PAQR7: variants seen among roughly 807,000 people sequenced by gnomAD.
The protein encoded by PAQR7 is progestin and adipoQ receptor family member 7.
Under a neutral mutation model 24.6 loss-of-function variants are expected in PAQR7, and 14 were observed. The ratio of observed to expected loss-of-function variants is 0.57; its 90% confidence interval spans 0.38 to 0.89. The LOEUF (loss-of-function observed/expected upper bound fraction) is 0.89, where lower values mean the gene tolerates loss of function less well. Among genes scored for constraint, PAQR7 ranks in the 40% least tolerant of loss-of-function variants. The pLI is 0.00. For synonymous variants in PAQR7, 189 were observed against 198.8 expected, an observed-to-expected ratio of 0.95 and a Z score of 0.42; for missense variants, 351 against 444.0, an observed-to-expected ratio of 0.79 and a Z score of 1.88.
rs1378769738 is a variant in PAQR7 at position 25,863,535 on chromosome 1, G to A, written c.305C>T (p.Pro102Leu). The A allele has an allele frequency of 8.1e-6, 13 of 1,614,086 alleles. No homozygotes were observed. The highest frequency in any genetic ancestry group is 2.2e-5 in the South Asian group (2 of 91,090). Residue 102 changes from proline (P) to leucine (L), a missense_variant, in exon 3 of 3, where the codon CCA becomes CTA. Transcript: ENST00000675840. This position sits in a 1 kb window ranked among gnomAD's most constrained non-coding sequence, Gnocchi z 6.1. ...AATGATGAAGAGGGGCAGGGCGTGT[G>A]GGTCTCCCCAGAAGTCCACGGTCTC... ...FVETVDFWGD[P>L]HALPLFIIVL...
chr1:25,875,665 C>G lies in PAQR7; in HGVS notation c.-286G>C, dbSNP rs2048646896. On this transcript the variant is annotated 5_prime_UTR_variant, in exon 1 of 3. Coordinates refer to ENST00000675840, the MANE Select transcript of PAQR7 (RefSeq NM_178422.6). The surrounding 1 kb of genome is among the most constrained non-coding windows in gnomAD (Gnocchi z 5.4). ...GCCGAGCGCCCCGCACCCCGCCCGCCGCGCACAAGCAGCTCTGCCCCGCCA... is the reference window on the plus strand; with the variant it reads ...GCCGAGCGCCCCGCACCCCGCCCGCGGCGCACAAGCAGCTCTGCCCCGCCA... Among the ~76,000 whole-genome samples, 1 of 151,788 alleles carries G rather than the reference C, an allele frequency of 6.6e-6. No homozygotes were observed. The highest frequency in any genetic ancestry group is 2.1e-4 in the South Asian group (1 of 4,826).
Position 25,862,722 on chromosome 1 carries a change from C to G in PAQR7, c.*77G>C. Reference sequence around the variant, plus strand: ...GCCAGACACAAACAACTTTACCAGGCCTTGTTCCCACCTGGAGCCAAACCC... The same window carrying G: ...GCCAGACACAAACAACTTTACCAGGGCTTGTTCCCACCTGGAGCCAAACCC... On this transcript the variant is annotated 3_prime_UTR_variant, in exon 3 of 3. Coordinates refer to ENST00000675840, the MANE Select transcript of PAQR7 (RefSeq NM_178422.6). 7.0e-7 allele frequency: 1 copy of G among 1,437,546 alleles called. No individual in the cohort carries two copies. Among genetic ancestry groups the G allele is most frequent in the South Asian group, 1.3e-5 (1 of 77,060 alleles). The allele number at this position is 1,437,546 out of a possible 1,614,324, so 89.0% of individuals were successfully genotyped here.
At chr1:25,872,643 G>A (rs1279309679) in intron 1 of PAQR7, among the ~76,000 whole-genome samples, 1 of 151,344 alleles carries the variant, frequency 6.6e-6, no homozygotes, top group Non-Finnish European at 1.5e-5. Flanking sequence ...CTCTTGAGTA[G>A]TTGGGAATCA....
At chr1:25,864,844 C>T (rs779437413) in intron 2 of PAQR7, among the ~76,000 whole-genome samples, 4 of 151,832 alleles carry the variant, frequency 2.6e-5, no homozygotes, top group Non-Finnish European at 5.9e-5. Flanking sequence ...TGATCTCAAG[C>T]GAGATCCTGT....
intron 2 of PAQR7, among the ~76,000 whole-genome samples, chr1:25,864,887 T>A (rs912753230): frequency 6.6e-6 from 1 of 151,834 alleles, no homozygotes; most frequent in African/African-American, 2.4e-5. Context: ...CCAGGTGCGG[T>A]GGCTCACATC....
chr1:25,864,315 G>A (rs1401471609), intron 2 of PAQR7, among the ~76,000 whole-genome samples: 2 of 152,096 alleles, frequency 1.3e-5, no homozygotes, highest in African/African-American at 4.8e-5. Flanking sequence ...TAGACCCACT[G>A]CCTCTACCTA....
At chr1:25,868,955 C>T (rs546523173) in intron 2 of PAQR7, among the ~76,000 whole-genome samples, 2 of 151,460 alleles carry the variant, frequency 1.3e-5, no homozygotes, top group Non-Finnish European at 2.9e-5. Context: ...GGTGAAACCC[C>T]GTCTCTACTA....
chr1:25,875,174 G>A lies in PAQR7; in HGVS notation c.-109+314C>T, dbSNP rs2048639749. 6.6e-6 allele frequency among the ~76,000 whole-genome samples: 1 copy of A among 151,932 alleles called. No homozygotes were observed. Among genetic ancestry groups the A allele is most frequent in the African/African-American group, 2.4e-5 (1 of 41,322 alleles). On this transcript the variant is annotated intron_variant, in intron 1 of 2. Transcript: ENST00000675840. This position sits in a 1 kb window ranked among gnomAD's most constrained non-coding sequence, Gnocchi z 5.4. Reference sequence around the variant, plus strand: ...GCTCACTGGACAAACAGGCTCTCAGGCCCCCATCCGCATCCTCCTCAGCCG... The same window carrying A: ...GCTCACTGGACAAACAGGCTCTCAGACCCCCATCCGCATCCTCCTCAGCCG...
In PAQR7 at chr1:25,863,037, C is replaced by T. The variant is rs748850232; in HGVS notation, c.803G>A (p.Cys268Tyr). 1.2e-6 allele frequency: 2 copies of T among 1,614,040 alleles called. No individual in the cohort carries two copies. The highest frequency in any genetic ancestry group is 2.7e-5 in the African/African-American group (2 of 74,954). Residue 268 changes from cysteine to tyrosine, a missense_variant, in exon 3 of 3, where the codon TGC (cysteine) becomes TAC (tyrosine). Coordinates refer to ENST00000675840, the MANE Select transcript of PAQR7 (RefSeq NM_178422.6). This position sits in a 1 kb window ranked among gnomAD's most constrained non-coding sequence, Gnocchi z 6.1. ...FMPERWFPGSCHVFGQGHQLF... is the reference protein window; with the variant it reads ...FMPERWFPGSYHVFGQGHQLF... ...TTGGTGGCCCTGCCCGAAGACATGG[C>T]AGCTGCCAGGGAACCAGCGCTCGGG...
At chr1:25,869,379 C>T (rs1476363668) in intron 2 of PAQR7, among the ~76,000 whole-genome samples, 2 of 152,014 alleles carry the variant, frequency 1.3e-5, no homozygotes, top group African/African-American at 4.8e-5. Context: ...CGAGACCAGC[C>T]TGGCCAATAT....
At chr1:25,867,991 G>A (rs572865296) in intron 2 of PAQR7, among the ~76,000 whole-genome samples, 1 of 152,324 alleles carries the variant, frequency 6.6e-6, no homozygotes, top group East Asian at 1.9e-4. Context: ...CTAATTGACG[G>A]GGCCACTTCC....
chr1:25,863,554 C>A lies in PAQR7; in HGVS notation c.286G>T (p.Val96Leu). 1.2e-6 allele frequency: 2 copies of A among 1,614,124 alleles called. No individual in the cohort carries two copies. ...LLRLALFVET[V>L]DFWGDPHALP... ...GCGTGTGGGTCTCCCCAGAAGTCCA[C>A]GGTCTCCACAAAGAGGGCCAGCCGC... The change falls in exon 3 of 3, where the codon GTG becomes TTG. Residue 96 changes from valine (V) to leucine (L), a missense_variant. Transcript: ENST00000675840. This position sits in a 1 kb window ranked among gnomAD's most constrained non-coding sequence, Gnocchi z 6.1.
chr1:25,868,627 T>C (rs2048577222), intron 2 of PAQR7, among the ~76,000 whole-genome samples: 1 of 150,966 alleles, frequency 6.6e-6, no homozygotes, highest in African/African-American at 2.4e-5. Context: ...GGAAGATCCC[T>C]TGAGCCTCAG....
Position 25,863,573 on chromosome 1 carries a change from C to T in PAQR7, c.267G>A (p.Leu89=). 1 of 1,614,234 alleles carries T rather than the reference C, an allele frequency of 6.2e-7. No individual in the cohort carries two copies. Among genetic ancestry groups the T allele is most frequent in the Non-Finnish European group, 8.5e-7 (1 of 1,180,036 alleles). The change falls in exon 3 of 3, where the codon CTG becomes CTA. Residue 89 remains leucine, a synonymous_variant. Coordinates refer to ENST00000675840, the MANE Select transcript of PAQR7 (RefSeq NM_178422.6). This position sits in a 1 kb window ranked among gnomAD's most constrained non-coding sequence, Gnocchi z 6.1. ...LLAALVLLLR[L]ALFVETVDFW... is the part of the protein sequence containing the mutation. ...AGTCCACGGTCTCCACAAAGAGGGC[C>T]AGCCGCAGCAGCAGTACCAGGGCCG...
At position 25,862,566 on chromosome 1, in the gene PAQR7, T is replaced by C. The variant is rs2124524169; in HGVS notation, c.*233A>G. ...TGGAGTGGCCCACACCGTTAACTCTTTCCCTCTCCCTGGGCAAGGAGCTGG... is the reference window on the plus strand; with the variant it reads ...TGGAGTGGCCCACACCGTTAACTCTCTCCCTCTCCCTGGGCAAGGAGCTGG... On this transcript the variant is annotated 3_prime_UTR_variant, in exon 3 of 3. Coordinates refer to ENST00000675840, the MANE Select transcript of PAQR7 (RefSeq NM_178422.6). The C allele has an allele frequency of 1.9e-6, 1 of 540,304 alleles. No homozygotes were observed. Among genetic ancestry groups the C allele is most frequent in the East Asian group, 3.3e-5 (1 of 30,718 alleles). The allele number at this position is 540,304 out of a possible 1,614,324, so 33.5% of individuals were successfully genotyped here.
chr1:25,865,620 T>C (rs1257750398), intron 2 of PAQR7, among the ~76,000 whole-genome samples: 1 of 152,060 alleles, frequency 6.6e-6, no homozygotes, highest in Non-Finnish European at 1.5e-5. Flanking sequence ...CCATCCTGGC[T>C]AACACGGTGA....
At chr1:25,874,046 G>A (rs1286498251) in intron 1 of PAQR7, among the ~76,000 whole-genome samples, 1 of 152,026 alleles carries the variant, frequency 6.6e-6, no homozygotes, top group East Asian at 1.9e-4. Flanking sequence ...ACCACACCCG[G>A]CTAATTTTGT....
Position 25,863,044 on chromosome 1 carries a change from C to T in PAQR7, c.796G>A (p.Gly266Ser). 6.2e-7 allele frequency: 1 copy of T among 1,614,070 alleles called. No individual in the cohort carries two copies. Among genetic ancestry groups the T allele is most frequent in the Non-Finnish European group, 8.5e-7 (1 of 1,180,026 alleles). Reference sequence around the variant, plus strand: ...CCCTGCCCGAAGACATGGCAGCTGCCAGGGAACCAGCGCTCGGGCATGAAG... The same window carrying T: ...CCCTGCCCGAAGACATGGCAGCTGCTAGGGAACCAGCGCTCGGGCATGAAG... The part of the protein sequence containing the change: ...STFMPERWFP[G>S]SCHVFGQGHQ... The change falls in exon 3 of 3, where the codon GGC (glycine) becomes AGC (serine). Residue 266 changes from glycine (G) to serine (S), a missense_variant. Transcript: ENST00000675840. This position sits in a 1 kb window ranked among gnomAD's most constrained non-coding sequence, Gnocchi z 6.1.
chr1:25,874,273 C>T lies in PAQR7; in HGVS notation c.-109+1215G>A, dbSNP rs557813623. On this transcript the variant is annotated intron_variant, in intron 1 of 2. Transcript: ENST00000675840. ...TCAGCTCACTGCAACCTTGAACTCA[C>T]GGCTTAAGCCATCCTCTCACCTCAG... Among the ~76,000 whole-genome samples the T allele has an allele frequency of 2.0e-5, 3 of 151,778 alleles. No homozygotes were observed. The East Asian group carries it at 5.8e-4, about 30-fold the overall frequency.
Sources: gnomAD v4.1 joint callset for allele counts (sites outside exome capture counted in the v4.1 genomes callset) on GRCh38, gnomAD v4.1.1 for gene constraint, Gnocchi (gnomAD v3.1) non-coding constraint, MANE v1.5 for transcripts, NCBI Gene and HGNC (gene_info 2026-07-23, HGNC 2026-07-21) for gene names.